The following ANKS1B variants were observed in gnomAD, a reference collection of about 807,000 sequenced individuals.
ANKS1B encodes the protein ankyrin repeat and sterile alpha motif domain containing 1B.
ANKS1B carries 36 observed loss-of-function variants against 148.3 expected under a neutral mutation model. That is an observed-to-expected ratio of 0.24 (90% CI 0.19 to 0.32). The LOEUF (loss-of-function observed/expected upper bound fraction) is 0.32, where lower values mean the gene tolerates loss of function less well. Ranked by LOEUF, ANKS1B falls within the 10% of genes least tolerant of loss-of-function variation. ANKS1B has a pLI of 1.00. For synonymous variants in ANKS1B, 542 were observed against 560.8 expected (o/e 0.97, Z 0.47); for missense variants, 1,157 against 1,542.6 (o/e 0.75, Z 4.19).
At chr12:98,917,084 C>T (rs2099795392) in intron 17 of ANKS1B, among the ~76,000 whole-genome samples, 1 of 151,932 alleles carries the variant, frequency 6.6e-6, no homozygotes, top group Non-Finnish European at 1.5e-5. Flanking sequence ...TCTCAGCTTC[C>T]TAAGTAGCTG....
At chr12:99,875,471 T>C (rs7134384) in intron 1 of ANKS1B, among the ~76,000 whole-genome samples, 14,261 of 152,102 alleles carry the variant, frequency 0.094, 736 homozygotes, top group South Asian at 0.12. Context: ...CCACAGCTCT[T>C]GTACACTAAG....
At chr12:99,689,619 C>G (rs774754623) in intron 8 of ANKS1B, among the ~76,000 whole-genome samples, 4 of 152,164 alleles carry the variant, frequency 2.6e-5, no homozygotes, top group Admixed American at 6.5e-5. Context: ...CAGACCTGAT[C>G]AGGTAAGGAT....
chr12:98,750,934 G>A (rs1235802046), intron 26 of ANKS1B, among the ~76,000 whole-genome samples: 1 of 152,206 alleles, frequency 6.6e-6, no homozygotes, highest in Admixed American at 6.5e-5. Flanking sequence ...GCTGGGGACC[G>A]AGGACATCAT....
intron 25 of ANKS1B, among the ~76,000 whole-genome samples, chr12:98,766,010 G>C (rs534176402): frequency 6.6e-6 from 1 of 152,340 alleles, no homozygotes; most frequent in South Asian, 2.1e-4. Flanking sequence ...ATTTAGAAGT[G>C]GGGGGTGCAA....
chr12:98,900,833 G>T (rs1384287767), intron 17 of ANKS1B, among the ~76,000 whole-genome samples: 2 of 152,104 alleles, frequency 1.3e-5, no homozygotes, highest in Non-Finnish European at 2.9e-5. Flanking sequence ...GGTTGCTAAG[G>T]GATAGGAAAG....
chr12:99,761,408 T>G (rs1013758973), intron 8 of ANKS1B, among the ~76,000 whole-genome samples: 66 of 151,982 alleles, frequency 4.3e-4, no homozygotes, highest in Non-Finnish European at 1.0e-4. Context: ...AACCAATAAA[T>G]GGGATTTACC....
intron 17 of ANKS1B, among the ~76,000 whole-genome samples, chr12:99,009,779 T>C (rs1241908835): frequency 6.6e-6 from 1 of 151,968 alleles, no homozygotes; most frequent in Non-Finnish European, 1.5e-5. Context: ...CATTAGGTAA[T>C]TAGCTCCCTG....
chr12:99,257,868 C>T (rs951436895), intron 12 of ANKS1B, among the ~76,000 whole-genome samples: 1 of 152,028 alleles, frequency 6.6e-6, no homozygotes, highest in African/African-American at 2.4e-5. Flanking sequence ...GAACAGTGTC[C>T]CAAATAGCAA....
chr12:99,207,296 T>C (rs2082788992), intron 14 of ANKS1B, among the ~76,000 whole-genome samples: 1 of 152,196 alleles, frequency 6.6e-6, no homozygotes. Context: ...GTAAATGGTA[T>C]AAAAGTTTAT....
chr12:99,395,941 T>C (rs184181680), intron 12 of ANKS1B, among the ~76,000 whole-genome samples: 1 of 152,298 alleles, frequency 6.6e-6, no homozygotes, highest in Admixed American at 6.5e-5. Context: ...TAAATTATAC[T>C]TCTAAGTCAA....
chr12:99,955,731 A>G (rs1176036892), intron 1 of ANKS1B, among the ~76,000 whole-genome samples: 1 of 152,112 alleles, frequency 6.6e-6, no homozygotes, highest in Non-Finnish European at 1.5e-5. Context: ...TTCTGGATCT[A>G]ACAGTTCTTT....
chr12:99,464,890 T>A (rs1310728613), intron 10 of ANKS1B, among the ~76,000 whole-genome samples: 1 of 152,184 alleles, frequency 6.6e-6, no homozygotes, highest in Non-Finnish European at 1.5e-5. Context: ...GTAGGAGAAC[T>A]TCCCCAATCT....
chr12:99,909,621 AT>A (rs1275162935), intron 1 of ANKS1B, among the ~76,000 whole-genome samples: 2 of 151,958 alleles, frequency 1.3e-5, no homozygotes, highest in Non-Finnish European at 2.9e-5. Flanking sequence ...GTACCATACT[AT>A]TTTTCCATAT....
intron 9 of ANKS1B, among the ~76,000 whole-genome samples, chr12:99,574,189 GT>G (rs2097492387): frequency 6.6e-6 from 1 of 152,102 alleles, no homozygotes; most frequent in African/African-American, 2.4e-5. Context: ...CTCTGTTACA[GT>G]TACATCACAG....
chr12:99,870,974 A>G (rs1223824982), intron 1 of ANKS1B, among the ~76,000 whole-genome samples: 1 of 151,984 alleles, frequency 6.6e-6, no homozygotes, highest in African/African-American at 2.4e-5. Flanking sequence ...ATTGCTTTTG[A>G]GACTTAGTCA....
chr12:99,765,408 T>C (rs1464235613), intron 8 of ANKS1B, among the ~76,000 whole-genome samples: 1 of 152,174 alleles, frequency 6.6e-6, no homozygotes, highest in Non-Finnish European at 1.5e-5. Context: ...TAGTCATCTA[T>C]ATACCCTAAA....
chr12:99,003,128 A>C (rs2099934017), intron 17 of ANKS1B, among the ~76,000 whole-genome samples: 1 of 152,182 alleles, frequency 6.6e-6, no homozygotes, highest in Non-Finnish European at 1.5e-5. Context: ...ACCCTTGTCA[A>C]AGATCAATTG....
chr12:98,755,010 C>T (rs998011786), intron 25 of ANKS1B, among the ~76,000 whole-genome samples: 24 of 152,110 alleles, frequency 1.6e-4, no homozygotes, highest in Non-Finnish European at 5.9e-5. Flanking sequence ...CCTCTCTTGT[C>T]TGCAGCCCTC....
intron 22 of ANKS1B, 139 bp from the exon 23 acceptor site, chr12:98,782,276 G>T: frequency 4.2e-6 from 3 of 717,066 alleles, no homozygotes; most frequent in Middle Eastern, 2.8e-4. Context: ...AAAAGAACAG[G>T]CTTCAGAGTC....
Sources: gnomAD v4.1 joint callset for allele counts (sites outside exome capture counted in the v4.1 genomes callset) on GRCh38, gnomAD v4.1.1 for gene constraint, MANE v1.5 for transcripts, NCBI Gene and HGNC (gene_info 2026-07-23, HGNC 2026-07-21) for gene names.